Variants in HMGCLL1 observed in about 807,000 individuals in gnomAD.
HMGCLL1 encodes the protein 3-hydroxymethyl-3-methylglutaryl-CoA lyase, cytoplasmic.
Under a neutral mutation model 39.1 loss-of-function variants are expected in HMGCLL1, and 36 were observed. The observed-to-expected ratio is 0.92, with a 90% CI of 0.71 to 1.22. The LOEUF (loss-of-function observed/expected upper bound fraction) is 1.22, where lower values mean the gene tolerates loss of function less well. HMGCLL1 is among the 50% of genes most tolerant of loss of function. The pLI is 0.00. For missense variants in HMGCLL1, 451 were observed against 416.5 expected (o/e 1.08, Z -0.72); for synonymous variants, 149 against 144.0 (o/e 1.03, Z -0.25).
At chr6:55,611,520 G>A in the HMGCLL1 span, among the ~76,000 whole-genome samples, 2,127 of 152,084 alleles carry the variant, frequency 0.014, 40 homozygotes, top group African/African-American at 0.048. Flanking sequence ...AAAAAAGAAA[G>A]CATCAGGCCA....
At chr6:55,491,276 C>G (rs1187685332) in intron 7 of HMGCLL1, among the ~76,000 whole-genome samples, 3 of 152,124 alleles carry the variant, frequency 2.0e-5, no homozygotes, top group Non-Finnish European at 4.4e-5. Context: ...AAGCAGCACA[C>G]CAACATAGCA....
At chr6:55,599,288 A>G in the HMGCLL1 span, among the ~76,000 whole-genome samples, 3 of 152,190 alleles carry the variant, frequency 2.0e-5, no homozygotes, top group Non-Finnish European at 4.4e-5. Context: ...GAAAAGAAAA[A>G]GAACTCTTGA....
intron 7 of HMGCLL1, among the ~76,000 whole-genome samples, chr6:55,457,662 G>A (rs1000196896): frequency 6.6e-5 from 10 of 151,568 alleles, no homozygotes; most frequent in East Asian, 3.9e-4. Context: ...TTTTTCCTTC[G>A]TTCTCTCTCT....
chr6:55,673,882 T>C, the HMGCLL1 span, among the ~76,000 whole-genome samples: 2 of 151,958 alleles, frequency 1.3e-5, no homozygotes, highest in African/African-American at 2.4e-5. Flanking sequence ...TACTATTTTA[T>C]AGATTGAGAG....
intron 6 of HMGCLL1, among the ~76,000 whole-genome samples, chr6:55,498,583 T>C (rs1766709521): frequency 6.6e-6 from 1 of 152,166 alleles, no homozygotes; most frequent in African/African-American, 2.4e-5. Flanking sequence ...AAAACAGGTC[T>C]ACATTAATAT....
the HMGCLL1 span, among the ~76,000 whole-genome samples, chr6:55,590,628 A>G: frequency 6.6e-6 from 1 of 151,816 alleles, no homozygotes; most frequent in East Asian, 1.9e-4. Context: ...AGTTTTTAAT[A>G]AAAAATCTTC....
chr6:55,472,127 T>G (rs548821837), intron 7 of HMGCLL1, among the ~76,000 whole-genome samples: 1 of 151,788 alleles, frequency 6.6e-6, no homozygotes, highest in South Asian at 2.1e-4. Context: ...GAACATATCT[T>G]TTGGTGAATA....
intron 1 of HMGCLL1, among the ~76,000 whole-genome samples, chr6:55,549,371 GAA>G (rs1770184003): frequency 1.1e-5 from 1 of 92,940 alleles, no homozygotes; most frequent in Non-Finnish European, 2.4e-5. Flanking sequence ...TGCAAATACA[GAA>G]GTGTGTGTGT....
the HMGCLL1 span, among the ~76,000 whole-genome samples, chr6:55,650,799 G>T: frequency 6.6e-6 from 1 of 152,002 alleles, no homozygotes; most frequent in Non-Finnish European, 1.5e-5. Context: ...AGGCAGAGGA[G>T]CCTCTCCCTA....
intron 3 of HMGCLL1, among the ~76,000 whole-genome samples, chr6:55,536,952 G>A (rs931437266): frequency 6.6e-6 from 1 of 152,120 alleles, no homozygotes; most frequent in East Asian, 1.9e-4. Flanking sequence ...AATATAAGAT[G>A]TAGAGAATTA....
chr6:55,611,872 G>T, the HMGCLL1 span, among the ~76,000 whole-genome samples: 12 of 152,092 alleles, frequency 7.9e-5, no homozygotes, highest in African/African-American at 2.9e-4. Flanking sequence ...AAATCTGAAA[G>T]AATTCCTTTT....
In HMGCLL1 at chr6:55,514,931, G is replaced by A. The variant is rs781046277; in HGVS notation, c.394-735C>T. On this transcript the variant is annotated intron_variant, in intron 4 of 8. Coordinates refer to ENST00000274901, the MANE Select transcript of HMGCLL1 (RefSeq NM_001042406.2). ...AATGTATTTCTAGCACTTTGCCTACGTTCTCCCCTCTTGCTAATCCCCCAT... is the reference window on the plus strand; with the variant it reads ...AATGTATTTCTAGCACTTTGCCTACATTCTCCCCTCTTGCTAATCCCCCAT... 8.7e-4 allele frequency among the ~76,000 whole-genome samples: 132 copies of A among 152,112 alleles called. 1 individual carries two copies. The highest frequency in any genetic ancestry group is 9.2e-4 in the Admixed American group (14 of 15,270).
At chr6:55,581,192 G>GAA (rs145593751), upstream of HMGCLL1, among the ~76,000 whole-genome samples, 48 of 150,878 alleles carry the variant, frequency 3.2e-4, no homozygotes, top group African/African-American at 6.8e-4. Flanking sequence ...GAACATTTAG[G>GAA]GAAAAAAAAA....
chr6:55,551,302 T>C (rs1406705485), intron 1 of HMGCLL1, among the ~76,000 whole-genome samples: 1 of 151,878 alleles, frequency 6.6e-6, no homozygotes, highest in Non-Finnish European at 1.5e-5. Flanking sequence ...AAATGAGAAA[T>C]AGGAGGACCG....
chr6:55,576,495 G>A (rs1020405253), intron 1 of HMGCLL1, among the ~76,000 whole-genome samples: 2 of 152,126 alleles, frequency 1.3e-5, no homozygotes, highest in African/African-American at 2.4e-5. Flanking sequence ...GGAAATTCAC[G>A]GATGGTTTTG....
intron 1 of HMGCLL1, among the ~76,000 whole-genome samples, chr6:55,564,832 A>G (rs1240318893): frequency 8.0e-6 from 1 of 125,378 alleles, no homozygotes; most frequent in Non-Finnish European, 1.7e-5. Flanking sequence ...GAAGGTCATG[A>G]AAGTTTTCAA....
chr6:55,653,982 G>A, the HMGCLL1 span, among the ~76,000 whole-genome samples: 1 of 151,962 alleles, frequency 6.6e-6, no homozygotes, highest in African/African-American at 2.4e-5. Context: ...GAGCACCCAC[G>A]GAGATTTCTG....
intron 7 of HMGCLL1, among the ~76,000 whole-genome samples, chr6:55,441,757 C>T (rs1763606709): frequency 6.6e-6 from 1 of 152,032 alleles, no homozygotes. Flanking sequence ...GTGGTGTTAT[C>T]TCGGCCCACT....
intron 4 of HMGCLL1, among the ~76,000 whole-genome samples, 172 bp downstream of exon 4, chr6:55,516,336 A>G (rs538166617): frequency 6.6e-6 from 1 of 152,280 alleles, no homozygotes; most frequent in South Asian, 2.1e-4. Context: ...TATATAGACC[A>G]CTTTAGTCCC....
Sources: gnomAD v4.1 joint callset for allele counts (sites outside exome capture counted in the v4.1 genomes callset) on GRCh38, gnomAD v4.1.1 for gene constraint, MANE v1.5 for transcripts, NCBI Gene and HGNC (gene_info 2026-07-23, HGNC 2026-07-21) for gene names.